The following MEGF6 variants were observed in gnomAD, a reference collection of about 807,000 sequenced individuals.
MEGF6 encodes the protein multiple EGF like domains 6.
In MEGF6, 184 loss-of-function variants were observed where a neutral mutation model predicts 207.1. The ratio of observed to expected loss-of-function variants is 0.89; its 90% CI spans 0.79 to 1.00. The LOEUF is 1.00. Ranked by LOEUF, MEGF6 falls within the 50% of genes least tolerant of loss-of-function variation. The probability of loss-of-function intolerance (pLI) is 0.00; values close to 1 mark genes in which losing one functional copy is unlikely to be tolerated. For missense variants in MEGF6, 2,282 were observed against 2,202.9 expected (o/e 1.04, Z -0.72); for synonymous variants, 1,038 against 910.0 (o/e 1.14, Z -2.53).
intron 4 of MEGF6, among the ~76,000 whole-genome samples, chr1:3,566,633 C>T (rs1211761470): frequency 6.6e-6 from 1 of 152,202 alleles, no homozygotes; most frequent in Non-Finnish European, 1.5e-5. Flanking sequence ...CCCCGGGGCC[C>T]TTCCCCCAAC....
intron 34 of MEGF6, chr1:3,493,395 G>A (rs910756451): frequency 2.0e-5 from 6 of 305,294 alleles, no homozygotes; most frequent in African/African-American, 1.3e-4. Flanking sequence ...CCTCAGGTGA[G>A]ACCCTCCTAT....
chr1:3,593,009 C>A (rs894688766), intron 3 of MEGF6, among the ~76,000 whole-genome samples: 5 of 152,122 alleles, frequency 3.3e-5, no homozygotes, highest in Admixed American at 6.5e-5. Context: ...CCCTCCACCC[C>A]ACTCCGGCCA....
Position 3,569,093 on chromosome 1 carries a change from G to A in MEGF6, c.481+10732C>T, listed in dbSNP as rs1456416273. Reference sequence around the variant, plus strand: ...ATAGCCCCAGACACTCCCAGAGGGAGCTCCTGCAGCCGACTCCATCCGCCA... The same window carrying A: ...ATAGCCCCAGACACTCCCAGAGGGAACTCCTGCAGCCGACTCCATCCGCCA... On this transcript the variant is annotated intron_variant, in intron 4 of 36. Coordinates refer to ENST00000356575, the MANE Select transcript of MEGF6 (RefSeq NM_001409.4). Among the ~76,000 whole-genome samples the A allele has an allele frequency of 6.6e-5, 10 of 152,258 alleles. No individual in the cohort carries two copies. In the East Asian group the frequency reaches 1.5e-3, roughly 24 times the overall value.
chr1:3,511,819 C>G, intron 8 of MEGF6, 132 bp from the exon 9 acceptor site: 2 of 1,447,640 alleles, frequency 1.4e-6, no homozygotes, highest in Non-Finnish European at 1.9e-6. Flanking sequence ...CAACATGGAG[C>G]TCCCAGGCCT....
intron 17 of MEGF6, 57 bp from the exon 18 acceptor site, chr1:3,501,978 G>T: frequency 9.2e-7 from 1 of 1,089,094 alleles, no homozygotes; most frequent in Non-Finnish European, 1.1e-6. Context: ...ACTGACCAGA[G>T]CCTTTCCCCC....
chr1:3,577,294 C>T (rs956772819), intron 4 of MEGF6, among the ~76,000 whole-genome samples: 1 of 152,242 alleles, frequency 6.6e-6, no homozygotes, highest in Non-Finnish European at 1.5e-5. Context: ...GGGGAGGATG[C>T]TCCTGCCCTG....
At chr1:3,578,707 T>C (rs1371502346) in intron 4 of MEGF6, among the ~76,000 whole-genome samples, 4 of 74,152 alleles carry the variant, frequency 5.4e-5, no homozygotes, top group Non-Finnish European at 1.7e-4. Flanking sequence ...GCACCAACTG[T>C]CCGCCTTTCC....
rs776084727 is a variant in MEGF6, at chr1:3,499,680, C to T, written c.2873G>A (p.Ser958Asn). ...PAGFFGLDCR[S>N]ACNCTAGAAC... The stretch of plus-strand genomic sequence containing the variant: ...AGCTCCGGCGGTGCAGTTGCAGGCA[C>T]TGCGACAGTCCAATCCAAAGAAGCC... The change falls in exon 23 of 37, where the codon AGT becomes AAT. Residue 958 changes from serine (S) to asparagine (N), a missense_variant. Transcript: ENST00000356575. 6 of 1,601,216 alleles carry T rather than the reference C, an allele frequency of 3.7e-6. No homozygotes were observed. The highest frequency in any genetic ancestry group is 3.4e-5 in the Admixed American group (2 of 58,552).
At chr1:3,593,852 T>C (rs938920743) in intron 3 of MEGF6, among the ~76,000 whole-genome samples, 2 of 152,134 alleles carry the variant, frequency 1.3e-5, no homozygotes, top group South Asian at 2.1e-4. Context: ...CTGCCAGCAG[T>C]GGCCCCATCT....
At chr1:3,498,240 C>G (rs553751421) in intron 26 of MEGF6, 131 bp downstream of exon 26, 12 of 1,202,362 alleles carry the variant, frequency 1.0e-5, no homozygotes, top group African/African-American at 6.1e-5. Context: ...GACGGCAGCT[C>G]TTGCATTCAC....
rs1476361893 is a variant in MEGF6, at chr1:3,565,999, C to T, written c.481+13826G>A. Among the ~76,000 whole-genome samples, 1 of 152,210 alleles carries T rather than the reference C, an allele frequency of 6.6e-6. No individual in the cohort carries two copies. Among genetic ancestry groups the T allele is most frequent in the African/African-American group, 2.4e-5 (1 of 41,444 alleles). The stretch of plus-strand genomic sequence containing the variant: ...CTGCAGGTTCATAGAGCCCTGATCC[C>T]ACCACGGTGGGTGACCTCCCCCAGC... On this transcript the variant is annotated intron_variant, in intron 4 of 36. Transcript: ENST00000356575. This position sits in a 1 kb window ranked among gnomAD's most constrained non-coding sequence, Gnocchi z 4.8.
At chr1:3,610,727 G>A (rs7516425) in intron 1 of MEGF6, among the ~76,000 whole-genome samples, 27,346 of 152,218 alleles carry the variant, frequency 0.18, 3,014 homozygotes, top group East Asian at 0.36. Context: ...TCGCCCCTGC[G>A]AAGGCCCCCA....
intron 4 of MEGF6, among the ~76,000 whole-genome samples, chr1:3,535,493 G>A (rs1028336539): frequency 6.6e-6 from 1 of 151,962 alleles, no homozygotes; most frequent in Non-Finnish European, 1.5e-5. Flanking sequence ...CCTCCACACA[G>A]ACCACCCTGG....
chr1:3,509,369 A>G (rs2101030389), intron 11 of MEGF6, 124 bp from the exon 12 acceptor site: 1 of 766,364 alleles, frequency 1.3e-6, no homozygotes, highest in East Asian at 3.3e-5. Context: ...TACTGCCTCC[A>G]CTACCCCCAC....
chr1:3,499,292 G>A (rs1351203834), intron 23 of MEGF6, 26 bp from the exon 24 acceptor site: 1 of 1,588,250 alleles, frequency 6.3e-7, no homozygotes, highest in Non-Finnish European at 8.6e-7. Flanking sequence ...GCTGGTCAGA[G>A]CCAGGGGTGG....
Position 3,509,055 on chromosome 1 carries a change from G to T in MEGF6, c.1528+20C>A. On this transcript the variant is annotated intron_variant, in intron 12 of 36. Transcript: ENST00000356575. ...CTGGCCCTGCGAGCAGGAGCCCCCGGGGGCTGGGCCCGCGCTCACCAAACT... is the reference window on the plus strand; with the variant it reads ...CTGGCCCTGCGAGCAGGAGCCCCCGTGGGCTGGGCCCGCGCTCACCAAACT... 1 of 1,528,956 alleles carries T rather than the reference G, an allele frequency of 6.5e-7. No individual in the cohort carries two copies. Among genetic ancestry groups the T allele is most frequent in the Non-Finnish European group, 8.8e-7 (1 of 1,140,216 alleles). The allele number at this position is 1,528,956 out of a possible 1,614,324, so 94.7% of individuals were successfully genotyped here.
Position 3,560,504 on chromosome 1 carries a change from A to G in MEGF6, c.481+19321T>C, listed in dbSNP as rs1570138376. Among the ~76,000 whole-genome samples, 1 of 152,074 alleles carries G rather than the reference A, an allele frequency of 6.6e-6. No homozygotes were observed. The highest frequency in any genetic ancestry group is 1.9e-4 in the East Asian group (1 of 5,170). Reference sequence around the variant, plus strand: ...CACCCCTGGCACCTCTGCTGTCTCTACGGTGTGGCCTTTCCCAGCAGTGTG... The same window carrying G: ...CACCCCTGGCACCTCTGCTGTCTCTGCGGTGTGGCCTTTCCCAGCAGTGTG... On this transcript the variant is annotated intron_variant, in intron 4 of 36. Coordinates refer to ENST00000356575, the MANE Select transcript of MEGF6 (RefSeq NM_001409.4). This position sits in a 1 kb window ranked among gnomAD's most constrained non-coding sequence, Gnocchi z 4.0.
chr1:3,606,912 A>G (rs1214645960), intron 1 of MEGF6, among the ~76,000 whole-genome samples: 6 of 151,964 alleles, frequency 3.9e-5, no homozygotes, highest in African/African-American at 1.4e-4. Flanking sequence ...CAGGATGGAG[A>G]TGACACAGAG....
At chr1:3,509,768 G>A (rs370901166) in intron 11 of MEGF6, 102 bp downstream of exon 11, 2 of 1,411,704 alleles carry the variant, frequency 1.4e-6, no homozygotes. Flanking sequence ...AAGGACCCCA[G>A]GCAGGTGGGG....
Sources: allele counts gnomAD v4.1 joint callset (sites outside exome capture counted in the v4.1 genomes callset), GRCh38; gene constraint gnomAD v4.1.1; non-coding constraint Gnocchi (gnomAD v3.1); transcripts MANE v1.5; gene names NCBI Gene and HGNC (gene_info 2026-07-23, HGNC 2026-07-21).